The following EDA variants were observed in gnomAD, a reference collection of about 807,000 sequenced individuals.
The protein encoded by EDA is ectodysplasin-A.
In EDA, 2 loss-of-function variants were observed where a neutral mutation model predicts 23.6. That is an observed-to-expected ratio of 0.08 (90% CI 0.03 to 0.27). The LOEUF (loss-of-function observed/expected upper bound fraction) is 0.27, where lower values mean the gene tolerates loss of function less well. Ranked by LOEUF, EDA falls within the 10% of genes least tolerant of loss-of-function variation. The pLI is 1.00. For synonymous variants in EDA, 131 were observed against 132.0 expected (o/e 0.99, Z 0.05); for missense variants, 229 against 324.2 (o/e 0.71, Z 2.26).
chrX:69,975,277 C>T (rs762118966), intron 2 of EDA, among the ~76,000 whole-genome samples: 87 of 111,526 alleles, frequency 7.8e-4, no homozygotes, highest in Middle Eastern at 4.6e-3. Flanking sequence ...TGGAATATAA[C>T]GCAGCTATAA....
intron 1 of EDA, among the ~76,000 whole-genome samples, chrX:69,839,475 C>T (rs1481890894): frequency 8.9e-6 from 1 of 112,279 alleles, no homozygotes; most frequent in Non-Finnish European, 1.9e-5. Flanking sequence ...ACAATCTTTG[C>T]TTTACTCAGT....
At chrX:69,833,073 T>C (rs1372321305) in intron 1 of EDA, among the ~76,000 whole-genome samples, 2 of 111,604 alleles carry the variant, frequency 1.8e-5, no homozygotes, top group Non-Finnish European at 3.8e-5. Context: ...CTTCCAACAC[T>C]ATGTTGAATA....
At chrX:69,994,360 C>G (rs1340479730) in intron 2 of EDA, among the ~76,000 whole-genome samples, 1 of 111,986 alleles carries the variant, frequency 8.9e-6, no homozygotes, top group Admixed American at 9.5e-5. Context: ...TCTTATTCAT[C>G]TGCCATTCTC....
intron 1 of EDA, among the ~76,000 whole-genome samples, chrX:69,900,699 G>A (rs1437609037): frequency 8.1e-5 from 9 of 110,705 alleles, no homozygotes; most frequent in Non-Finnish European, 1.9e-5. Context: ...TAGTGGTTTG[G>A]TTGTCATGAT....
intron 1 of EDA, among the ~76,000 whole-genome samples, chrX:69,812,971 GTTC>G (rs1342028214): frequency 1.8e-5 from 2 of 111,519 alleles, no homozygotes; most frequent in Non-Finnish European, 3.8e-5. Flanking sequence ...GAAACTGTGT[GTTC>G]TTCTTACCAC....
At chrX:69,653,051 T>C (rs1401614472) in intron 1 of EDA, among the ~76,000 whole-genome samples, 4 of 112,137 alleles carry the variant, frequency 3.6e-5, no homozygotes, top group Admixed American at 9.5e-5. Flanking sequence ...GCATTGAATC[T>C]ATAAATTACC....
chrX:69,654,178 C>CA (rs1229930828), intron 1 of EDA, among the ~76,000 whole-genome samples: 2 of 111,450 alleles, frequency 1.8e-5, no homozygotes, highest in Non-Finnish European at 3.8e-5. Context: ...TTTATGCAGC[C>CA]AAAAAACACA....
chrX:69,885,565 C>T (rs1315385226), intron 1 of EDA, among the ~76,000 whole-genome samples: 1 of 111,980 alleles, frequency 8.9e-6, no homozygotes, highest in East Asian at 2.8e-4. Flanking sequence ...TCAACAAGAT[C>T]GTGAAACAGG....
In EDA at chrX:70,020,553, C is replaced by A. The variant is rs1481399594; in HGVS notation, c.503-2665C>A. 4.7e-5 allele frequency among the ~76,000 whole-genome samples: 4 copies of A among 85,499 alleles called. No individual in the cohort carries two copies. The South Asian group carries it at 2.1e-3, about 45-fold the overall frequency. The allele number at this position is 85,499 out of a possible 115,157, so 74.2% of individuals were successfully genotyped here. On this transcript the variant is annotated intron_variant, in intron 2 of 7. Transcript: ENST00000374552. ...CAGCCTGCGCGACAGAGCGAGACTCCGTCTCAAAAAAAAAAAAAAAGTACA... is the reference window on the plus strand; with the variant it reads ...CAGCCTGCGCGACAGAGCGAGACTCAGTCTCAAAAAAAAAAAAAAAGTACA...
chrX:69,980,508 G>A (rs1045074737), intron 2 of EDA, among the ~76,000 whole-genome samples: 1 of 112,146 alleles, frequency 8.9e-6, no homozygotes, highest in Non-Finnish European at 1.9e-5. Flanking sequence ...CTATAACAAT[G>A]TGCCAGAATA....
intron 1 of EDA, among the ~76,000 whole-genome samples, chrX:69,672,900 G>C (rs1933952647): frequency 9.2e-6 from 1 of 109,116 alleles, no homozygotes; most frequent in South Asian, 3.9e-4. Flanking sequence ...AAAAAAAGTG[G>C]CAGAAAGTGA....
intron 6 of EDA, among the ~76,000 whole-genome samples, chrX:70,031,866 G>A (rs2020204081): frequency 8.9e-6 from 1 of 112,351 alleles, no homozygotes; most frequent in Non-Finnish European, 1.9e-5. Context: ...TGTGCTAGCA[G>A]CCACTGATTT....
intron 1 of EDA, among the ~76,000 whole-genome samples, chrX:69,849,236 A>G (rs1168519363): frequency 9.0e-6 from 1 of 111,018 alleles, no homozygotes; most frequent in African/African-American, 3.3e-5. Flanking sequence ...GTGAACAATG[A>G]TGATGTAAAG....
intron 1 of EDA, among the ~76,000 whole-genome samples, chrX:69,630,144 G>A (rs1258404066): frequency 9.0e-6 from 1 of 111,603 alleles, no homozygotes; most frequent in Non-Finnish European, 1.9e-5. Context: ...TTGTGGTTAT[G>A]TACGTGTCTG....
intron 2 of EDA, among the ~76,000 whole-genome samples, chrX:69,978,502 CA>C (rs1223244079): frequency 9.4e-4 from 44 of 46,938 alleles, no homozygotes; most frequent in East Asian, 6.0e-3. Flanking sequence ...GAATCTGTCT[CA>C]AAAAAAAAAA....
intron 1 of EDA, among the ~76,000 whole-genome samples, chrX:69,878,827 C>G (rs888331654): frequency 9.1e-6 from 1 of 109,423 alleles, no homozygotes; most frequent in Non-Finnish European, 1.9e-5. Context: ...GAATCCCATC[C>G]GTTTAAGTTA....
intron 1 of EDA, among the ~76,000 whole-genome samples, chrX:69,897,600 TA>T (rs1411903754): frequency 1.8e-5 from 2 of 112,305 alleles, no homozygotes; most frequent in Non-Finnish European, 3.8e-5. Flanking sequence ...CTCTCCTGTC[TA>T]AAGCTCCAGT....
chrX:69,622,667 G>T (rs1236070897), intron 1 of EDA, among the ~76,000 whole-genome samples: 1 of 111,182 alleles, frequency 9.0e-6, no homozygotes, highest in Admixed American at 9.6e-5. Flanking sequence ...TTTCTTTATG[G>T]TATCCTTTGA....
intron 1 of EDA, among the ~76,000 whole-genome samples, chrX:69,782,382 A>AC (rs2014976435): frequency 9.4e-6 from 1 of 106,467 alleles, no homozygotes; most frequent in African/African-American, 3.5e-5. Context: ...AAAAAAAAAA[A>AC]AAAAAAAAAA....
Sources: allele counts gnomAD v4.1 joint callset (sites outside exome capture counted in the v4.1 genomes callset), GRCh38; gene constraint gnomAD v4.1.1; transcripts MANE v1.5; gene names NCBI Gene and HGNC (gene_info 2026-07-23, HGNC 2026-07-21).